CCDC92B: variants seen among roughly 807,000 people sequenced by gnomAD.
CCDC92B encodes coiled-coil domain-containing 92B.
CCDC92B carries 2 observed loss-of-function variants against 5.6 expected under a neutral mutation model. That is an observed-to-expected ratio of 0.36 (90% CI 0.15 to 1.12). CCDC92B has a LOEUF of 1.12. Among genes scored for constraint, CCDC92B ranks in the 50% most tolerant of loss-of-function variants. CCDC92B has a pLI of 0.40. For synonymous variants in CCDC92B, 115 were observed against 122.3 expected (o/e 0.94, Z 0.39); for missense variants, 271 against 262.2 (o/e 1.03, Z -0.23).
intron 2 of CCDC92B, among the ~76,000 whole-genome samples, chr17:2,734,107 C>G (rs1030679485): frequency 1.3e-5 from 2 of 152,120 alleles, no homozygotes; most frequent in African/African-American, 4.8e-5. Context: ...CTTTATCCAT[C>G]AACTAGAACC....
rs566829736 is a variant in CCDC92B, at chr17:2,741,839, G to A, written c.-23-6671C>T. On this transcript the variant is annotated intron_variant, in intron 1 of 3. Transcript: ENST00000614400. ...AATCTCTTGACCTCGTGATCCGCCT[G>A]CCTCAGCCTCCCAAAGTACTGGGAT... is the stretch of plus-strand genomic sequence containing the variant. Among the ~76,000 whole-genome samples the A allele has an allele frequency of 2.6e-3, 393 of 151,024 alleles. 7 individuals carry two copies. Among genetic ancestry groups the A allele is most frequent in the African/African-American group, 8.8e-3 (362 of 41,064 alleles).
At position 2,724,937 on chromosome 17, in the gene CCDC92B, G is replaced by T; in HGVS notation, c.242C>A (p.Ala81Asp). 1 of 985,514 alleles carries T rather than the reference G, an allele frequency of 1.0e-6. No homozygotes were observed. The highest frequency in any genetic ancestry group is 1.2e-6 in the Non-Finnish European group (1 of 830,014). The allele number at this position is 985,514 out of a possible 1,614,324, so 61.0% of individuals were successfully genotyped here. A position where few individuals can be genotyped will look rare whatever the true frequency, so the allele number is the denominator to read the frequency against. The change falls in exon 4 of 4, where the codon GCT (alanine) becomes GAT (aspartate). Residue 81 changes from alanine to aspartate, a missense_variant. By Grantham distance (126) the Ala-to-Asp change is moderately radical. Transcript: ENST00000614400. This position sits in a 1 kb window ranked among gnomAD's most constrained non-coding sequence, Gnocchi z 5.0. Reference protein sequence around the residue: ...RALESQLEARAAANAELRREV... With the variant: ...RALESQLEARDAANAELRREV... The stretch of plus-strand genomic sequence containing the variant: ...CCGCCGCAGCTCCGCGTTGGCCGCA[G>T]CACGCGCCTCCAGCTGCGACTCCAG...
At chr17:2,748,564 T>C (rs2071016262) in intron 1 of CCDC92B, 1 of 985,126 alleles carries the variant, frequency 1.0e-6, no homozygotes, top group Non-Finnish European at 1.2e-6. Context: ...GCACCTGGCT[T>C]CTGTACTAAG....
chr17:2,747,001 A>G (rs1421930134), intron 1 of CCDC92B, among the ~76,000 whole-genome samples: 1 of 152,070 alleles, frequency 6.6e-6, no homozygotes, highest in African/African-American at 2.4e-5. Context: ...AACCTCTTTT[A>G]CAGTCCAATA....
chr17:2,731,265 C>A (rs1001628827), intron 2 of CCDC92B, among the ~76,000 whole-genome samples: 1 of 152,106 alleles, frequency 6.6e-6, no homozygotes, highest in Admixed American at 6.6e-5. Flanking sequence ...CCTGTCCCCC[C>A]AGTCTCCATT....
At chr17:2,732,377 C>A (rs144186110) in intron 2 of CCDC92B, among the ~76,000 whole-genome samples, 80 of 152,298 alleles carry the variant, frequency 5.3e-4, no homozygotes, top group Non-Finnish European at 8.4e-4. Context: ...ATTTCAGCCC[C>A]AAGAGTGGCT....
At chr17:2,725,030 G>C in intron 3 of CCDC92B, 30 bp from the exon 4 acceptor site, 7 of 985,038 alleles carry the variant, frequency 7.1e-6, no homozygotes, top group Non-Finnish European at 8.4e-6. Flanking sequence ...AGAGGTGACG[G>C]TCTCCCCCTG....
chr17:2,740,599 G>C (rs543019969), intron 1 of CCDC92B, among the ~76,000 whole-genome samples: 2 of 152,024 alleles, frequency 1.3e-5, no homozygotes, highest in South Asian at 4.1e-4. Flanking sequence ...GGAGGCGGAG[G>C]TTGCAGTGAG....
chr17:2,723,926 C>A lies in CCDC92B; in HGVS notation c.*485G>T. On this transcript the variant is annotated 3_prime_UTR_variant, in exon 4 of 4. Coordinates refer to ENST00000614400, the MANE Select transcript of CCDC92B (RefSeq NM_001355573.2). ...GACCAGCCCCTAGCCTGGGCCTCTC[C>A]TGGGGAGGAAGAAGGCTTGGCGGGA... 1 of 948,808 alleles carries A rather than the reference C, an allele frequency of 1.1e-6. No homozygotes were observed. Among genetic ancestry groups the A allele is most frequent in the African/African-American group, 2.2e-5 (1 of 46,438 alleles). 58.8% of individuals were successfully genotyped at this position (948,808 alleles called of 1,614,324 possible).
chr17:2,729,194 T>C (rs1386952523), intron 3 of CCDC92B, among the ~76,000 whole-genome samples: 1 of 152,056 alleles, frequency 6.6e-6, no homozygotes, highest in Non-Finnish European at 1.5e-5. Context: ...TTTAATTAAA[T>C]AGTTACTATG....
chr17:2,725,856 G>GTA (rs2070722369), intron 3 of CCDC92B, among the ~76,000 whole-genome samples: 2 of 151,906 alleles, frequency 1.3e-5, no homozygotes, highest in African/African-American at 2.4e-5. Context: ...AGTGAAGACA[G>GTA]GAGAGAAGGA....
At position 2,727,709 on chromosome 17, in the gene CCDC92B, A is replaced by C. The variant is rs544009027; in HGVS notation, c.179-2709T>G. Among the ~76,000 whole-genome samples the C allele has an allele frequency of 3.9e-5, 6 of 152,142 alleles. No individual in the cohort carries two copies. The East Asian group carries it at 1.2e-3, about 29-fold the overall frequency. ...TATGGTGGTGTGCGCCTGTGATCCC[A>C]GCTACTTGGGAGGCTGAAGTAGGAG... On this transcript the variant is annotated intron_variant, in intron 3 of 3. Transcript: ENST00000614400.
chr17:2,729,532 G>A (rs894383790), intron 3 of CCDC92B, among the ~76,000 whole-genome samples: 1 of 148,832 alleles, frequency 6.7e-6, no homozygotes, highest in Non-Finnish European at 1.5e-5. Flanking sequence ...GTCCCTCCAA[G>A]TCAGGTAACG....
At chr17:2,729,962 C>T (rs543100782) in intron 3 of CCDC92B, among the ~76,000 whole-genome samples, 31 of 152,298 alleles carry the variant, frequency 2.0e-4, no homozygotes, top group African/African-American at 7.0e-4. Context: ...TCTTGACACT[C>T]GGCCTGTGAT....
In CCDC92B at chr17:2,723,882, G is replaced by A; in HGVS notation, c.*529C>T. On this transcript the variant is annotated 3_prime_UTR_variant, in exon 4 of 4. Coordinates refer to ENST00000614400, the MANE Select transcript of CCDC92B (RefSeq NM_001355573.2). ...TCACCTGCAAGGACCTATCGGCAGG[G>A]TCAGGGTGGGGGTAGAAGGACCAGC... The A allele has an allele frequency of 1.1e-6, 1 of 931,598 alleles. No individual in the cohort carries two copies. Among genetic ancestry groups the A allele is most frequent in the Non-Finnish European group, 1.3e-6 (1 of 781,004 alleles). The allele number at this position is 931,598 out of a possible 1,614,324, so 57.7% of individuals were successfully genotyped here.
At chr17:2,747,851 T>C (rs1460400241) in intron 1 of CCDC92B, among the ~76,000 whole-genome samples, 2 of 152,242 alleles carry the variant, frequency 1.3e-5, no homozygotes, top group Non-Finnish European at 2.9e-5. Context: ...ATGGCATCAA[T>C]GCATAAATAA....
At chr17:2,728,982 T>C (rs2070767006) in intron 3 of CCDC92B, among the ~76,000 whole-genome samples, 1 of 152,186 alleles carries the variant, frequency 6.6e-6, no homozygotes, top group Non-Finnish European at 1.5e-5. Flanking sequence ...AGTCTGTTCT[T>C]AAGAACTCTT....
chr17:2,741,685 CG>C (rs2070928643), intron 1 of CCDC92B, among the ~76,000 whole-genome samples: 1 of 146,740 alleles, frequency 6.8e-6, no homozygotes, highest in Non-Finnish European at 1.5e-5. Flanking sequence ...CTCTGCCTCC[CG>C]GGTTCGCCTC....
intron 2 of CCDC92B, among the ~76,000 whole-genome samples, chr17:2,734,429 T>C (rs1457865142): frequency 6.6e-6 from 1 of 151,474 alleles, no homozygotes; most frequent in African/African-American, 2.4e-5. Flanking sequence ...TGGTGAAGAG[T>C]GACTCGGAAA....
Sources: allele counts gnomAD v4.1 joint callset (sites outside exome capture counted in the v4.1 genomes callset), GRCh38; gene constraint gnomAD v4.1.1; non-coding constraint Gnocchi (gnomAD v3.1); transcripts MANE v1.5; gene names NCBI Gene and HGNC (gene_info 2026-07-23, HGNC 2026-07-21).